CDX1: variants seen among roughly 807,000 people sequenced by gnomAD.
The protein encoded by CDX1 is caudal type homeobox 1.
In CDX1, 9 loss-of-function variants were observed where a neutral mutation model predicts 16.9. The ratio of observed to expected loss-of-function variants is 0.53; its 90% CI spans 0.32 to 0.93. The LOEUF (loss-of-function observed/expected upper bound fraction) is 0.93, where lower values mean the gene tolerates loss of function less well. Ranked by LOEUF, CDX1 falls within the 40% of genes least tolerant of loss-of-function variation. CDX1 has a pLI of 0.04. For synonymous variants in CDX1, 179 were observed against 179.0 expected, an observed-to-expected ratio of 1.00 and a Z score of 0.00; for missense variants, 393 against 386.1, an observed-to-expected ratio of 1.02 and a Z score of -0.15.
chr5:150,174,716 C>T (rs979463053), intron 1 of CDX1, among the ~76,000 whole-genome samples: 1 of 151,378 alleles, frequency 6.6e-6, no homozygotes, highest in Non-Finnish European at 1.5e-5. Context: ...TCAAGAGTTC[C>T]CAGAATGGAA....
At chr5:150,168,356 G>A (rs1462911363) in intron 1 of CDX1, among the ~76,000 whole-genome samples, 1 of 152,222 alleles carries the variant, frequency 6.6e-6, no homozygotes, top group Non-Finnish European at 1.5e-5. Context: ...GGCAGATGCT[G>A]GGTTGGCCTT....
intron 1 of CDX1, 52 bp from the exon 2 acceptor site, chr5:150,182,716 G>A (rs772718090): frequency 3.3e-6 from 5 of 1,495,028 alleles, no homozygotes; most frequent in Non-Finnish European, 4.4e-6. Context: ...GGCCTTTTTT[G>A]TAGCCTCCTC....
At chr5:150,169,673 G>C (rs1761479128) in intron 1 of CDX1, among the ~76,000 whole-genome samples, 1 of 152,186 alleles carries the variant, frequency 6.6e-6, no homozygotes, top group African/African-American at 2.4e-5. Flanking sequence ...GGTGCTTCCT[G>C]TGCAATGCTG....
Position 150,167,257 on chromosome 5 carries a change from G to A in CDX1, c.381G>A (p.Ala127=), listed in dbSNP as rs1013080757. Residue 127 remains alanine, a synonymous_variant, in exon 1 of 3, where the codon GCG becomes GCA. Transcript: ENST00000231656. ...GGPGTPSSPG[A]QRPTPYEWMR... is the part of the protein sequence containing the mutation. ...CGGGCACACCGTCCTCGCCCGGAGC[G>A]CAGAGGCCGACGCCCTACGAGTGGA... 9.5e-6 allele frequency: 12 copies of A among 1,266,958 alleles called. No homozygotes were observed. Among genetic ancestry groups the A allele is most frequent in the Non-Finnish European group, 1.2e-5 (12 of 1,012,540 alleles). 78.5% of individuals were successfully genotyped at this position (1,266,958 alleles called of 1,614,324 possible).
At chr5:150,173,830 T>G (rs1158238079) in intron 1 of CDX1, among the ~76,000 whole-genome samples, 1 of 152,216 alleles carries the variant, frequency 6.6e-6, no homozygotes, top group Non-Finnish European at 1.5e-5. Flanking sequence ...GGCTGTGCTT[T>G]GGAGGCTGAG....
In CDX1 at chr5:150,173,250, G is replaced by C. The variant is rs146835611; in HGVS notation, c.445+5929G>C. Among the ~76,000 whole-genome samples the C allele has an allele frequency of 6.6e-5, 10 of 152,348 alleles. No individual in the cohort carries two copies. The East Asian group carries it at 1.9e-3, about 29-fold the overall frequency. ...GCAGGCAAGCAGTAATATTCTCTGA[G>C]TGAGTGTCTTCTGTCCTGAACTTGC... On this transcript the variant is annotated intron_variant, in intron 1 of 2. Coordinates refer to ENST00000231656, the MANE Select transcript of CDX1 (RefSeq NM_001804.3).
chr5:150,166,875 C>T lies in CDX1; in HGVS notation c.-2C>T, dbSNP rs755633021. 1 of 1,491,194 alleles carries T rather than the reference C, an allele frequency of 6.7e-7. No homozygotes were observed. Among genetic ancestry groups the T allele is most frequent in the East Asian group, 2.9e-5 (1 of 35,048 alleles). The allele number at this position is 1,491,194 out of a possible 1,614,324, so 92.4% of individuals were successfully genotyped here. A position where few individuals can be genotyped will look rare whatever the true frequency, so the allele number is the denominator to read the frequency against. On this transcript the variant is annotated 5_prime_UTR_variant, in exon 1 of 3. Transcript: ENST00000231656. Reference sequence around the variant, plus strand: ...GCATGCGCGGGGGACCCCGCGGCCACCATGTATGTGGGCTATGTGCTGGAC... The same window carrying T: ...GCATGCGCGGGGGACCCCGCGGCCATCATGTATGTGGGCTATGTGCTGGAC...
At chr5:150,183,187 A>G (rs1408523033) in intron 2 of CDX1, among the ~76,000 whole-genome samples, 1 of 152,166 alleles carries the variant, frequency 6.6e-6, no homozygotes, top group Admixed American at 6.5e-5. Flanking sequence ...TGCTATTTAC[A>G]TTAGGGGAGC....
At chr5:150,182,629 T>C in intron 1 of CDX1, 139 bp from the exon 2 acceptor site, 1 of 732,888 alleles carries the variant, frequency 1.4e-6, no homozygotes, top group Non-Finnish European at 2.2e-6. Context: ...CCCTTGAACC[T>C]GGAGTGTATG....
chr5:150,171,573 T>A (rs536695795), intron 1 of CDX1, among the ~76,000 whole-genome samples: 1 of 152,356 alleles, frequency 6.6e-6, no homozygotes, highest in South Asian at 2.1e-4. Context: ...CCTGACCTCG[T>A]GATCCGCCCG....
At chr5:150,180,517 C>T (rs1431962093) in intron 1 of CDX1, among the ~76,000 whole-genome samples, 1 of 152,144 alleles carries the variant, frequency 6.6e-6, no homozygotes, top group Non-Finnish European at 1.5e-5. Context: ...TGGAGGGGGA[C>T]AGGCGTCAGA....
At chr5:150,180,466 G>A (rs952861874) in intron 1 of CDX1, among the ~76,000 whole-genome samples, 5 of 152,228 alleles carry the variant, frequency 3.3e-5, no homozygotes, top group African/African-American at 1.2e-4. Flanking sequence ...TTTGGCTCAC[G>A]GAGAGCCCAG....
chr5:150,170,632 C>T (rs1761492709), intron 1 of CDX1, among the ~76,000 whole-genome samples: 1 of 152,168 alleles, frequency 6.6e-6, no homozygotes, highest in Non-Finnish European at 1.5e-5. Context: ...CTGGCTGCCT[C>T]TGTCTCTCCA....
rs372156290 is a variant in CDX1, at chr5:150,184,370, C to G, written c.*690C>G. ...GGTTTCTACACCCCCGCCAGGCTGC[C>G]CATCAGGGCCCAGGGAGCCCCCAGA... On this transcript the variant is annotated 3_prime_UTR_variant, in exon 3 of 3. Transcript: ENST00000231656. The G allele has an allele frequency of 8.5e-5, 13 of 152,224 alleles. No individual in the cohort carries two copies. The highest frequency in any genetic ancestry group is 5.8e-4 in the East Asian group (3 of 5,196). The allele number at this position is 152,224 out of a possible 1,614,324, so 9.4% of individuals were successfully genotyped here.
At chr5:150,173,733 C>T (rs1441705374) in intron 1 of CDX1, among the ~76,000 whole-genome samples, 1 of 152,178 alleles carries the variant, frequency 6.6e-6, no homozygotes, top group Non-Finnish European at 1.5e-5. Context: ...TTTTCAAATG[C>T]AAGATTTCTG....
intron 1 of CDX1, among the ~76,000 whole-genome samples, 177 bp downstream of exon 1, chr5:150,167,498 T>G (rs1761444181): frequency 6.6e-6 from 1 of 152,164 alleles, no homozygotes; most frequent in Non-Finnish European, 1.5e-5. Context: ...TCTCAGGCTA[T>G]CGGAGCCTTC....
chr5:150,181,406 G>C (rs1157329981), intron 1 of CDX1, among the ~76,000 whole-genome samples: 1 of 152,190 alleles, frequency 6.6e-6, no homozygotes, highest in African/African-American at 2.4e-5. Context: ...CTCCTGGGTA[G>C]CTGGGATTAC....
intron 1 of CDX1, among the ~76,000 whole-genome samples, chr5:150,168,511 G>A (rs1761462985): frequency 6.6e-6 from 1 of 152,212 alleles, no homozygotes; most frequent in African/African-American, 2.4e-5. Context: ...AACAGCTAAT[G>A]TTTTGGAACA....
intron 1 of CDX1, among the ~76,000 whole-genome samples, chr5:150,176,900 G>T (rs1761575887): frequency 1.3e-5 from 2 of 152,260 alleles, no homozygotes; most frequent in African/African-American, 4.8e-5. Context: ...GCATGTGTGT[G>T]TTGGGGTTAG....
Sources: gnomAD v4.1 joint callset for allele counts (sites outside exome capture counted in the v4.1 genomes callset) on GRCh38, gnomAD v4.1.1 for gene constraint, MANE v1.5 for transcripts, NCBI Gene and HGNC (gene_info 2026-07-23, HGNC 2026-07-21) for gene names.